Variants in ARHGEF4 observed in about 807,000 individuals in gnomAD.
The protein encoded by ARHGEF4 is Rho guanine nucleotide exchange factor 4.
A neutral mutation model predicts 162.0 loss-of-function variants in ARHGEF4; 119 were observed. The observed-to-expected ratio is 0.73, with a 90% confidence interval of 0.63 to 0.86. The LOEUF (loss-of-function observed/expected upper bound fraction) is 0.86, where lower values mean the gene tolerates loss of function less well. Among genes scored for constraint, ARHGEF4 ranks in the 40% least tolerant of loss-of-function variants. The pLI is 0.00. For missense variants in ARHGEF4, 2,488 were observed against 2,456.0 expected (o/e 1.01, Z -0.28); for synonymous variants, 1,014 against 979.9 (o/e 1.03, Z -0.65).
chr2:131,036,004 T>C (rs1690249403), intron 5 of ARHGEF4, among the ~76,000 whole-genome samples: 1 of 152,218 alleles, frequency 6.6e-6, no homozygotes, highest in African/African-American at 2.4e-5. Context: ...CATTGGGACC[T>C]TCTCCCACAA....
intron 1 of ARHGEF4, among the ~76,000 whole-genome samples, chr2:130,854,358 C>A (rs923652658): frequency 6.6e-6 from 1 of 152,118 alleles, no homozygotes; most frequent in Non-Finnish European, 1.5e-5. Context: ...GAGGTCATCA[C>A]GCCCCACCTC....
chr2:130,988,841 C>CAT (rs1686695633), intron 4 of ARHGEF4, among the ~76,000 whole-genome samples: 1 of 140,386 alleles, frequency 7.1e-6, no homozygotes, highest in Non-Finnish European at 1.5e-5. Context: ...TTCTTCTCCA[C>CAT]ATATATTTGT....
chr2:130,869,105 C>T (rs1011199028), intron 1 of ARHGEF4, among the ~76,000 whole-genome samples: 2 of 152,238 alleles, frequency 1.3e-5, no homozygotes, highest in African/African-American at 4.8e-5. Context: ...GGGGTCCCTA[C>T]TCAGCCTACC....
At chr2:130,942,617 A>G (rs1300394515) in intron 3 of ARHGEF4, among the ~76,000 whole-genome samples, 5 of 152,246 alleles carry the variant, frequency 3.3e-5, no homozygotes, top group African/African-American at 1.2e-4. Flanking sequence ...AATAACGCAT[A>G]CGTTGAGTGA....
At chr2:130,910,143 G>A (rs1044777928) in intron 1 of ARHGEF4, among the ~76,000 whole-genome samples, 14 of 152,138 alleles carry the variant, frequency 9.2e-5, no homozygotes, top group African/African-American at 3.4e-4. Flanking sequence ...ACCATGGTAC[G>A]TAATTACCTA....
chr2:130,985,447 A>C (rs1469968412), intron 4 of ARHGEF4, among the ~76,000 whole-genome samples: 1 of 152,122 alleles, frequency 6.6e-6, no homozygotes, highest in Non-Finnish European at 1.5e-5. Context: ...AGCCGAGGAA[A>C]TGGGAGCTCA....
intron 4 of ARHGEF4, among the ~76,000 whole-genome samples, chr2:130,982,952 A>G (rs1686231760): frequency 6.6e-6 from 1 of 152,188 alleles, no homozygotes; most frequent in Non-Finnish European, 1.5e-5. Context: ...GTGAAACCCT[A>G]AAAAGCAAGA....
intron 4 of ARHGEF4, among the ~76,000 whole-genome samples, chr2:130,952,320 T>C (rs936138039): frequency 2.6e-5 from 4 of 152,196 alleles, no homozygotes; most frequent in Admixed American, 6.5e-5. Context: ...GATTTCTTTT[T>C]TAAAAAAAAT....
chr2:131,029,424 A>G (rs1310978416), intron 5 of ARHGEF4, among the ~76,000 whole-genome samples: 2 of 152,202 alleles, frequency 1.3e-5, no homozygotes, highest in South Asian at 2.1e-4. Context: ...TAAAAAATAA[A>G]CATGTAAATA....
chr2:130,947,042 C>T (rs563876418), intron 4 of ARHGEF4: 1 of 165,568 alleles, frequency 6.0e-6, no homozygotes, highest in Non-Finnish European at 1.3e-5. Flanking sequence ...ACCAGCCTGA[C>T]CAGCATGGAG....
At chr2:130,926,459 A>G (rs940479313) in intron 2 of ARHGEF4, among the ~76,000 whole-genome samples, 2 of 151,910 alleles carry the variant, frequency 1.3e-5, no homozygotes, top group Admixed American at 1.3e-4. Context: ...ATGATTAATG[A>G]GTTTCTATTT....
At chr2:130,852,960 GC>G (rs1460377147) in intron 1 of ARHGEF4, among the ~76,000 whole-genome samples, 1 of 152,228 alleles carries the variant, frequency 6.6e-6, no homozygotes, top group African/African-American at 2.4e-5. Context: ...CAGACTGATC[GC>G]CCTGGGTGGG....
At chr2:130,846,556 G>T (rs371853240) in intron 1 of ARHGEF4, among the ~76,000 whole-genome samples, 4 of 152,230 alleles carry the variant, frequency 2.6e-5, no homozygotes, top group African/African-American at 7.2e-5. Context: ...TGGGGAGAGC[G>T]ATATGGGACG....
chr2:130,923,382 G>A (rs755695930), intron 2 of ARHGEF4, among the ~76,000 whole-genome samples: 1 of 152,146 alleles, frequency 6.6e-6, no homozygotes, highest in Non-Finnish European at 1.5e-5. Context: ...TCTCTGAGAT[G>A]CCTGTAACTG....
intron 1 of ARHGEF4, among the ~76,000 whole-genome samples, chr2:130,898,908 G>C (rs1680320278): frequency 6.6e-6 from 1 of 152,026 alleles, no homozygotes. Flanking sequence ...GTTTGATAGG[G>C]GGCCCCAGGA....
chr2:130,945,797 T>G (rs1406454727), intron 3 of ARHGEF4, among the ~76,000 whole-genome samples: 1 of 152,290 alleles, frequency 6.6e-6, no homozygotes, highest in African/African-American at 2.4e-5. Flanking sequence ...TGGGGTGAAG[T>G]GTGCAACTCC....
At position 130,923,017 on chromosome 2, in the gene ARHGEF4, G is replaced by A. The variant is rs181511621; in HGVS notation, c.3552+5519G>A. 5.5e-3 allele frequency among the ~76,000 whole-genome samples: 828 copies of A among 151,774 alleles called. 8 individuals carry two copies. The highest frequency in any genetic ancestry group is 0.019 in the African/African-American group (779 of 41,456). On this transcript the variant is annotated intron_variant, in intron 2 of 13. Transcript: ENST00000409359. ...ACAATCTTGGCTCAGTGCAACTTCCGCTTCCCGGGTTCAAGCAATTCTCCT... is the reference window on the plus strand; with the variant it reads ...ACAATCTTGGCTCAGTGCAACTTCCACTTCCCGGGTTCAAGCAATTCTCCT...
At chr2:130,959,083 A>G (rs1409649224) in intron 4 of ARHGEF4, among the ~76,000 whole-genome samples, 1 of 151,858 alleles carries the variant, frequency 6.6e-6, no homozygotes, top group African/African-American at 2.4e-5. Flanking sequence ...CTGGGACTAC[A>G]GGCGCACCCC....
chr2:130,837,345 C>T lies in ARHGEF4; in HGVS notation c.39+353C>T, dbSNP rs974130426. On this transcript the variant is annotated intron_variant, in intron 1 of 13. Transcript: ENST00000409359. ...ACTCGGAGCCGCTGCCTGGACCGGCCTGGGCGCGCAGGGCACTCGGAGCCT... is the reference window on the plus strand; with the variant it reads ...ACTCGGAGCCGCTGCCTGGACCGGCTTGGGCGCGCAGGGCACTCGGAGCCT... 1.7e-5 allele frequency: 6 copies of T among 342,952 alleles called. No homozygotes were observed. The East Asian group carries it at 4.1e-4, about 23-fold the overall frequency. The allele number at this position is 342,952 out of a possible 1,614,324, so 21.2% of individuals were successfully genotyped here. A position where few individuals can be genotyped will look rare whatever the true frequency, so the allele number is the denominator to read the frequency against.
Sources: allele counts gnomAD v4.1 joint callset (sites outside exome capture counted in the v4.1 genomes callset), GRCh38; gene constraint gnomAD v4.1.1; transcripts MANE v1.5; gene names NCBI Gene and HGNC (gene_info 2026-07-23, HGNC 2026-07-21).